Variants in HAUS8 observed in about 807,000 individuals in gnomAD.
HAUS8 encodes HAUS augmin like complex subunit 8.
HAUS8 carries 38 observed loss-of-function variants against 42.9 expected under a neutral mutation model. The observed-to-expected ratio is 0.89, with a 90% CI of 0.68 to 1.16. The LOEUF (loss-of-function observed/expected upper bound fraction) is 1.16, where lower values mean the gene tolerates loss of function less well. HAUS8 is among the 50% of genes most tolerant of loss of function. HAUS8 has a pLI of 0.00. For synonymous variants in HAUS8, 199 were observed against 205.8 expected, an observed-to-expected ratio of 0.97 and a Z score of 0.28; for missense variants, 494 against 511.6, an observed-to-expected ratio of 0.97 and a Z score of 0.33.
chr19:17,053,683 GAC>G (rs1271714119), intron 9 of HAUS8: 1 of 142,626 alleles, frequency 7.0e-6, no homozygotes, highest in African/African-American at 2.6e-5. Context: ...TTTTTTTTGA[GAC>G]AGAGTCTTGC....
chr19:17,062,640 T>C (rs563045971), intron 4 of HAUS8, 58 bp downstream of exon 4: 29 of 1,302,936 alleles, frequency 2.2e-5, no homozygotes, highest in South Asian at 8.3e-5. Context: ...TTAGCACCCA[T>C]GGAGACAAAA....
At chr19:17,060,848 C>G (rs943965883) in intron 4 of HAUS8, among the ~76,000 whole-genome samples, 2 of 152,212 alleles carry the variant, frequency 1.3e-5, no homozygotes, top group African/African-American at 4.8e-5. Context: ...CAGCATGCTA[C>G]CACTACACAA....
intron 9 of HAUS8, among the ~76,000 whole-genome samples, chr19:17,054,250 C>T (rs1052958680): frequency 6.6e-6 from 1 of 152,086 alleles, no homozygotes; most frequent in African/African-American, 2.4e-5. Context: ...ATGGCAGCCC[C>T]GGAAAACTCA....
At chr19:17,060,225 T>TAA (rs35562523) in intron 4 of HAUS8, 133 bp from the exon 5 acceptor site, 269 of 278,866 alleles carry the variant, frequency 9.6e-4, no homozygotes, top group South Asian at 1.8e-3. Flanking sequence ...GTGGAAAGGC[T>TAA]AAAAAAAAAA....
intron 10 of HAUS8, among the ~76,000 whole-genome samples, chr19:17,051,049 A>G (rs979521718): frequency 2.6e-5 from 4 of 152,086 alleles, no homozygotes; most frequent in Admixed American, 2.6e-4. Context: ...AATGAAATGA[A>G]ATCCTGTCTC....
At chr19:17,075,264 G>C in intron 1 of HAUS8, 130 bp downstream of exon 1, 1 of 1,015,282 alleles carries the variant, frequency 9.8e-7, no homozygotes. Context: ...GGGGTCTTCA[G>C]GGGCCCGCGC....
intron 2 of HAUS8, among the ~76,000 whole-genome samples, chr19:17,070,883 A>C (rs2057417824): frequency 6.6e-6 from 1 of 152,150 alleles, no homozygotes; most frequent in African/African-American, 2.4e-5. Flanking sequence ...CAGCCTGGCC[A>C]ACATGGAGAA....
intron 3 of HAUS8, among the ~76,000 whole-genome samples, chr19:17,065,163 A>G (rs1420368937): frequency 1.3e-5 from 2 of 152,210 alleles, no homozygotes; most frequent in Non-Finnish European, 2.9e-5. Flanking sequence ...CACCCACAAG[A>G]CTGGCTAGAA....
chr19:17,067,291 G>A (rs1294392882), intron 3 of HAUS8, among the ~76,000 whole-genome samples: 1 of 151,918 alleles, frequency 6.6e-6, no homozygotes, highest in East Asian at 1.9e-4. Context: ...AGTGTCAGGA[G>A]TCAGAGGCAA....
intron 6 of HAUS8, among the ~76,000 whole-genome samples, chr19:17,059,272 C>A (rs113554233): frequency 1.4e-4 from 22 of 152,368 alleles, no homozygotes; most frequent in African/African-American, 5.3e-4. Flanking sequence ...CACCAAGGGA[C>A]AGGGCCTGGC....
At position 17,055,995 on chromosome 19, in the gene HAUS8, AT is replaced by A. The variant is rs746460062; in HGVS notation, c.652del (p.Met218CysfsTer32). ...GGCCACTGCCTCGAAGGGGCTGAGCATCTCGATCTGTAAGCAGAAGGGATAA... is the reference window on the plus strand; with the variant it reads ...GGCCACTGCCTCGAAGGGGCTGAGCACTCGATCTGTAAGCAGAAGGGATAA... Reference protein sequence around the residue: ...LADVLDAQIEMLSPFEAVATR... With the variant: ...LADVLDAQIEXLSPFEAVATR... On this transcript the variant is annotated frameshift_variant, in exon 9 of 11. Coordinates refer to ENST00000253669, the MANE Select transcript of HAUS8 (RefSeq NM_033417.2). LOFTEE classifies it high-confidence loss of function. 1 of 1,613,950 alleles carries A rather than the reference AT, an allele frequency of 6.2e-7. No individual in the cohort carries two copies. Among genetic ancestry groups the A allele is most frequent in the African/African-American group, 1.3e-5 (1 of 74,948 alleles).
At chr19:17,073,597 A>C (rs897965950) in intron 1 of HAUS8, 9 of 507,522 alleles carry the variant, frequency 1.8e-5, no homozygotes, top group African/African-American at 1.2e-4. Context: ...AGATCACAGC[A>C]GATCTCAAAT....
chr19:17,056,114 C>G, intron 8 of HAUS8, 112 bp from the exon 9 acceptor site: 3 of 1,013,788 alleles, frequency 3.0e-6, no homozygotes, highest in South Asian at 2.9e-5. Flanking sequence ...TTCACCACCC[C>G]CCAGGGAATC....
chr19:17,055,986 G>A lies in HAUS8; in HGVS notation c.662C>T (p.Pro221Leu), dbSNP rs772451885. 3 of 1,614,096 alleles carry A rather than the reference G, an allele frequency of 1.9e-6. No homozygotes were observed. Reference protein sequence around the residue: ...VLDAQIEMLSPFEAVATRFKE... With the variant: ...VLDAQIEMLSLFEAVATRFKE... ...GAAGCGTGTGGCCACTGCCTCGAAG[G>A]GGCTGAGCATCTCGATCTGTAAGCA... Residue 221 changes from proline (P) to leucine (L), a missense_variant, in exon 9 of 11, where the codon CCC becomes CTC. Physicochemically the swap from Pro to Leu is moderately conservative, Grantham distance 98. Transcript: ENST00000253669.
chr19:17,052,797 C>T, intron 10 of HAUS8, 28 bp downstream of exon 10: 1 of 1,613,918 alleles, frequency 6.2e-7, no homozygotes, highest in South Asian at 1.1e-5. Flanking sequence ...AGGGTGCCAC[C>T]TCTTTCTTAA....
intron 2 of HAUS8, 126 bp from the exon 3 acceptor site, chr19:17,069,212 G>GTGGTGACCTCCTCT: frequency 1.3e-6 from 1 of 784,024 alleles, no homozygotes; most frequent in Non-Finnish European, 2.2e-6. Flanking sequence ...GAACAGAGGA[G>GTGGTGACCTCCTCT]GTCACCACTC....
chr19:17,057,356 A>C (rs1197105864), intron 8 of HAUS8, among the ~76,000 whole-genome samples: 1 of 152,138 alleles, frequency 6.6e-6, no homozygotes, highest in Non-Finnish European at 1.5e-5. Context: ...ATCTCAAAAA[A>C]AAAAAAAATT....
intron 8 of HAUS8, among the ~76,000 whole-genome samples, chr19:17,056,588 C>CACAT (rs1341881466): frequency 1.3e-5 from 2 of 152,022 alleles, no homozygotes; most frequent in Non-Finnish European, 2.9e-5. Context: ...CACACACACA[C>CACAT]ACATACACAT....
At chr19:17,053,571 G>GA (rs1472985598) in intron 9 of HAUS8, 1 of 148,070 alleles carries the variant, frequency 6.8e-6, no homozygotes, top group Non-Finnish European at 1.5e-5. Flanking sequence ...ACCTTAACCA[G>GA]AAACAGGGTT....
Sources: allele counts gnomAD v4.1 joint callset (sites outside exome capture counted in the v4.1 genomes callset), GRCh38; gene constraint gnomAD v4.1.1; transcripts MANE v1.5; gene names NCBI Gene and HGNC (gene_info 2026-07-23, HGNC 2026-07-21).